Variants in TIAM2 observed in about 807,000 individuals in gnomAD.
TIAM2 encodes the protein TIAM Rac1 associated GEF 2, also known as rho guanine nucleotide exchange factor TIAM2.
A neutral mutation model predicts 152.9 loss-of-function variants in TIAM2; 80 were observed. The ratio of observed to expected loss-of-function variants is 0.52; its 90% CI spans 0.44 to 0.63. The LOEUF is 0.63. TIAM2 is among the 30% of genes least tolerant of loss of function. The probability of loss-of-function intolerance (pLI) is 0.00; values close to 1 mark genes in which losing one functional copy is unlikely to be tolerated. For synonymous variants in TIAM2, 804 were observed against 838.0 expected (o/e 0.96, Z 0.70); for missense variants, 1,965 against 2,120.1 (o/e 0.93, Z 1.44).
At chr6:155,028,969 A>C (rs1776718227) in intron 1 of TIAM2, among the ~76,000 whole-genome samples, 1 of 114,632 alleles carries the variant, frequency 8.7e-6, no homozygotes, top group Admixed American at 9.8e-5. Context: ...TGTATGTACT[A>C]TATATACTAT....
chr6:155,161,857 C>T (rs1176542058), intron 7 of TIAM2, among the ~76,000 whole-genome samples: 19 of 152,140 alleles, frequency 1.2e-4, no homozygotes, highest in Admixed American at 5.9e-4. Context: ...GGATTACAGA[C>T]GTGAGCCATC....
chr6:155,027,597 TACTATATATA>T, intron 1 of TIAM2, among the ~76,000 whole-genome samples: 1 of 82,992 alleles, frequency 1.2e-5, no homozygotes, highest in African/African-American at 5.1e-5. Context: ...GTTACATATA[TACTATATATA>T]ATATATGTAC....
At chr6:155,071,978 G>A (rs530019834) in intron 1 of TIAM2, among the ~76,000 whole-genome samples, 24 of 152,064 alleles carry the variant, frequency 1.6e-4, no homozygotes, top group African/African-American at 5.5e-4. Flanking sequence ...AGAATGAACC[G>A]CTGAAGTGGC....
In TIAM2 at chr6:155,029,417, C is replaced by A. The variant is rs866921953; in HGVS notation, c.-209+33925C>A. On this transcript the variant is annotated intron_variant, in intron 1 of 26. Coordinates refer to ENST00000682666, the MANE Select transcript of TIAM2 (RefSeq NM_012454.4). Reference sequence around the variant, plus strand: ...TATACTATAGTATATATAATATATACTATATATACTATAGTATATATTATA... The same window carrying A: ...TATACTATAGTATATATAATATATAATATATATACTATAGTATATATTATA... Among the ~76,000 whole-genome samples, 20 of 72,476 alleles carry A rather than the reference C, an allele frequency of 2.8e-4. 2 individuals carry two copies. The highest frequency in any genetic ancestry group is 1.0e-3 in the African/African-American group (19 of 18,402). The allele number at this position is 72,476 out of a possible 152,430, so 47.5% of individuals were successfully genotyped here.
intron 7 of TIAM2, among the ~76,000 whole-genome samples, chr6:155,157,696 G>C (rs1010220188): frequency 1.3e-5 from 2 of 152,142 alleles, no homozygotes; most frequent in African/African-American, 4.8e-5. Flanking sequence ...CACACAGCTG[G>C]TAAGTGGTAG....
chr6:155,014,207 T>C (rs1165243031), intron 1 of TIAM2, among the ~76,000 whole-genome samples: 1 of 152,214 alleles, frequency 6.6e-6, no homozygotes, highest in East Asian at 1.9e-4. Flanking sequence ...TATTTTTCTT[T>C]GTCTATTCTT....
chr6:155,016,517 T>TAA (rs374938355), intron 1 of TIAM2, among the ~76,000 whole-genome samples: 575 of 107,752 alleles, frequency 5.3e-3, no homozygotes, highest in South Asian at 0.024. Flanking sequence ...ATTTAAATGG[T>TAA]ATTTACATTT....
chr6:155,244,363 G>A (rs78906490), intron 17 of TIAM2, among the ~76,000 whole-genome samples: 1 of 152,222 alleles, frequency 6.6e-6, no homozygotes, highest in South Asian at 2.1e-4. Context: ...CCTTTGTAAT[G>A]TGAAACCACA....
At chr6:155,091,704 T>TA (rs968095263) in intron 2 of TIAM2, among the ~76,000 whole-genome samples, 2 of 152,198 alleles carry the variant, frequency 1.3e-5, no homozygotes, top group African/African-American at 2.4e-5. Flanking sequence ...TTCTTTTTTT[T>TA]ATCATCTACA....
chr6:155,047,699 GAGAGAGCGA>G (rs1777219979), intron 1 of TIAM2, among the ~76,000 whole-genome samples: 7 of 26,646 alleles, frequency 2.6e-4, no homozygotes, highest in African/African-American at 9.0e-4. Flanking sequence ...GAGAGAGAGA[GAGAGAGCGA>G]GAGAGAGAGA....
At chr6:155,220,626 A>C (rs893118603) in intron 15 of TIAM2, among the ~76,000 whole-genome samples, 2 of 152,128 alleles carry the variant, frequency 1.3e-5, no homozygotes, top group African/African-American at 4.8e-5. Context: ...TCGTCAGCAC[A>C]ACTGGCTTCC....
intron 1 of TIAM2, among the ~76,000 whole-genome samples, chr6:155,048,275 T>G (rs897320476): frequency 1.3e-5 from 2 of 152,028 alleles, no homozygotes; most frequent in African/African-American, 4.8e-5. Flanking sequence ...TTTTAAAAAT[T>G]TATTTTTATT....
intron 4 of TIAM2, among the ~76,000 whole-genome samples, chr6:155,133,739 CT>C (rs35077380): frequency 6.7e-4 from 97 of 144,418 alleles, no homozygotes; most frequent in Middle Eastern, 3.6e-3. Flanking sequence ...AGTTTTTACT[CT>C]TTTTTTTTTT....
chr6:155,233,940 G>A (rs1234170798), intron 15 of TIAM2, among the ~76,000 whole-genome samples: 3 of 151,206 alleles, frequency 2.0e-5, no homozygotes, highest in East Asian at 1.9e-4. Context: ...TCCAGCCTGG[G>A]TGGCAGAGTG....
chr6:155,140,573 T>TGA (rs57939338), intron 5 of TIAM2, among the ~76,000 whole-genome samples: 7,946 of 107,238 alleles, frequency 0.074, 378 homozygotes, highest in East Asian at 0.22. Flanking sequence ...TGTGTGTGTG[T>TGA]GAGAGAGAGA....
intron 11 of TIAM2, 88 bp downstream of exon 11, chr6:155,179,231 G>T: frequency 6.8e-7 from 1 of 1,463,684 alleles, no homozygotes; most frequent in East Asian, 2.3e-5. Context: ...GGAAAATTCT[G>T]TTTAAATTTG....
intron 16 of TIAM2, among the ~76,000 whole-genome samples, chr6:155,243,189 G>GT (rs1482859288): frequency 3.3e-5 from 5 of 152,272 alleles, no homozygotes; most frequent in Admixed American, 6.5e-5. Context: ...CTCTGTGGGA[G>GT]TTTTTTATTG....
At chr6:155,208,891 C>G (rs1781652427) in intron 14 of TIAM2, among the ~76,000 whole-genome samples, 1 of 152,116 alleles carries the variant, frequency 6.6e-6, no homozygotes, top group South Asian at 2.1e-4. Context: ...TGCAGCCACA[C>G]TCGGCAAGTT....
chr6:155,210,247 T>TA (rs2115211053), intron 14 of TIAM2, among the ~76,000 whole-genome samples: 1 of 152,104 alleles, frequency 6.6e-6, no homozygotes, highest in African/African-American at 2.4e-5. Context: ...TTAATTTACT[T>TA]AAATTTTAAA....
Sources: gnomAD v4.1 joint callset for allele counts (sites outside exome capture counted in the v4.1 genomes callset) on GRCh38, gnomAD v4.1.1 for gene constraint, MANE v1.5 for transcripts, NCBI Gene and HGNC (gene_info 2026-07-23, HGNC 2026-07-21) for gene names.